The following JARID2 variants were observed in gnomAD, a reference collection of about 807,000 sequenced individuals.
The protein encoded by JARID2 is protein Jumonji.
A neutral mutation model predicts 125.6 loss-of-function variants in JARID2; 21 were observed. That is an observed-to-expected ratio of 0.17 (90% CI 0.12 to 0.24). The LOEUF is 0.24. Among genes scored for constraint, JARID2 ranks in the 10% least tolerant of loss-of-function variants. JARID2 has a pLI of 1.00. For missense variants in JARID2, 1,303 were observed against 1,639.6 expected (o/e 0.79, Z 3.55); for synonymous variants, 736 against 661.6 (o/e 1.11, Z -1.73).
At position 15,467,542 on chromosome 6, in the gene JARID2, T is replaced by A. The variant is rs572656419; in HGVS notation, c.494-1000T>A. 5.2e-4 allele frequency among the ~76,000 whole-genome samples: 78 copies of A among 151,084 alleles called. 1 individual carries two copies. The South Asian group carries it at 0.016, about 30-fold the overall frequency. The stretch of plus-strand genomic sequence containing the variant: ...TATATTGTGCTTTTTTTTTTTTTTT[T>A]AAGAATATTGAGCCTAAGGGTGGGC... On this transcript the variant is annotated intron_variant, in intron 4 of 17. Transcript: ENST00000341776.
Position 15,291,305 on chromosome 6 carries a change from TCTC to T in JARID2, c.45+44725_45+44727del, listed in dbSNP as rs1179625529. Among the ~76,000 whole-genome samples, 37 of 152,316 alleles carry T rather than the reference TCTC, an allele frequency of 2.4e-4. No individual in the cohort carries two copies. In the East Asian group the frequency reaches 3.5e-3, roughly 14 times the overall value. The stretch of plus-strand genomic sequence containing the variant: ...ACCATCTTGGTGAATGTGTTTATCA[TCTC>T]CTCTTAGTTTAAAAATGCTCCTTTA... On this transcript the variant is annotated intron_variant, in intron 1 of 17. Coordinates refer to ENST00000341776, the MANE Select transcript of JARID2 (RefSeq NM_004973.4).
intron 4 of JARID2, among the ~76,000 whole-genome samples, chr6:15,456,160 G>A (rs532163361): frequency 1.3e-5 from 2 of 152,162 alleles, no homozygotes; most frequent in South Asian, 2.1e-4. Context: ...GTACTTGTGC[G>A]TGCACTATCT....
chr6:15,464,979 G>A (rs1034007048), intron 4 of JARID2, among the ~76,000 whole-genome samples: 1 of 152,170 alleles, frequency 6.6e-6, no homozygotes, highest in Non-Finnish European at 1.5e-5. Flanking sequence ...TACTTTGAGA[G>A]CAAGTTCCTC....
chr6:15,401,376 A>G (rs986723319), intron 2 of JARID2, among the ~76,000 whole-genome samples: 26 of 152,186 alleles, frequency 1.7e-4, no homozygotes, highest in Admixed American at 3.9e-4. Context: ...GACTTTAGAC[A>G]TTTCTCTGGA....
Position 15,451,628 on chromosome 6 carries a change from G to A in JARID2, c.324-378G>A, listed in dbSNP as rs185857823. ...ATGTATATAAATACAGCAGGATAAT[G>A]TAGTGTTTTCTTCTTTACTGTCAGT... is the stretch of plus-strand genomic sequence containing the variant. On this transcript the variant is annotated intron_variant, in intron 3 of 17. Coordinates refer to ENST00000341776, the MANE Select transcript of JARID2 (RefSeq NM_004973.4). Among the ~76,000 whole-genome samples, 94 of 152,314 alleles carry A rather than the reference G, an allele frequency of 6.2e-4. 1 individual carries two copies. The highest frequency in any genetic ancestry group is 2.3e-3 in the African/African-American group (94 of 41,566).
intron 1 of JARID2, among the ~76,000 whole-genome samples, chr6:15,251,609 CAGT>C (rs1402942519): frequency 6.6e-6 from 1 of 152,184 alleles, no homozygotes; most frequent in African/African-American, 2.4e-5. Flanking sequence ...TGCCAAGTGT[CAGT>C]TGTTTGTTCC....
chr6:15,413,002 G>GTTTTT (rs745910520), intron 3 of JARID2, among the ~76,000 whole-genome samples: 1,058 of 46,478 alleles, frequency 0.023, 252 homozygotes, highest in Admixed American at 0.035. Context: ...AAGAGCTTGT[G>GTTTTT]TTTTTGTTTT....
intron 1 of JARID2, among the ~76,000 whole-genome samples, chr6:15,294,541 A>G (rs1561776038): frequency 1.3e-5 from 2 of 152,312 alleles, no homozygotes; most frequent in East Asian, 3.9e-4. Flanking sequence ...AGAGAAGCAG[A>G]GTGAAAACCT....
chr6:15,397,465 G>T lies in JARID2; in HGVS notation c.182-12759G>T, dbSNP rs73363174. 3.4e-3 allele frequency among the ~76,000 whole-genome samples: 518 copies of T among 152,228 alleles called. 4 individuals are homozygous for T. The highest frequency in any genetic ancestry group is 0.012 in the African/African-American group (502 of 41,520). ...TTTTGGGGAAATTATTAATAGCGTG[G>T]TACTGAAATACCAAGGCACCAACTG... is the stretch of plus-strand genomic sequence containing the variant. On this transcript the variant is annotated intron_variant, in intron 2 of 17. Coordinates refer to ENST00000341776, the MANE Select transcript of JARID2 (RefSeq NM_004973.4).
At chr6:15,275,006 C>G (rs1377148742) in intron 1 of JARID2, among the ~76,000 whole-genome samples, 1 of 152,196 alleles carries the variant, frequency 6.6e-6, no homozygotes, top group African/African-American at 2.4e-5. Context: ...CACTGAACTT[C>G]AAGAGCCCTT....
At chr6:15,326,857 T>C (rs1482397945) in intron 1 of JARID2, among the ~76,000 whole-genome samples, 1 of 152,258 alleles carries the variant, frequency 6.6e-6, no homozygotes, top group Non-Finnish European at 1.5e-5. Context: ...CCCATGATAA[T>C]GATAACATAA....
At chr6:15,346,083 G>A (rs965611605) in intron 1 of JARID2, among the ~76,000 whole-genome samples, 2 of 152,214 alleles carry the variant, frequency 1.3e-5, no homozygotes, top group Non-Finnish European at 2.9e-5. Flanking sequence ...GTTGTCAGAT[G>A]TAGATTGGAC....
intron 1 of JARID2, among the ~76,000 whole-genome samples, chr6:15,273,898 T>G (rs1264529633): frequency 1.3e-5 from 2 of 151,796 alleles, no homozygotes; most frequent in African/African-American, 2.4e-5. Context: ...TTCTTTTCCC[T>G]TCTGCATTTC....
intron 3 of JARID2, among the ~76,000 whole-genome samples, chr6:15,442,263 T>A (rs1307313295): frequency 2.0e-5 from 3 of 152,096 alleles, no homozygotes; most frequent in African/African-American, 7.2e-5. Context: ...TTTGTTGAAA[T>A]GATATTTTAA....
At chr6:15,506,951 A>G (rs927467250) in intron 9 of JARID2, among the ~76,000 whole-genome samples, 185 bp from the exon 10 acceptor site, 3 of 152,210 alleles carry the variant, frequency 2.0e-5, no homozygotes, top group African/African-American at 7.2e-5. Context: ...TTCTGAGGAT[A>G]TGCCTGGAGG....
intron 2 of JARID2, among the ~76,000 whole-genome samples, 183 bp downstream of exon 2, chr6:15,374,435 C>T (rs568811362): frequency 6.6e-6 from 1 of 152,238 alleles, no homozygotes; most frequent in East Asian, 1.9e-4. Flanking sequence ...TTTTGTGTTC[C>T]TTTATGTACC....
chr6:15,410,438 A>G (rs1045596276), intron 3 of JARID2, 73 bp downstream of exon 3: 112 of 1,468,578 alleles, frequency 7.6e-5, no homozygotes, highest in Non-Finnish European at 1.0e-4. Flanking sequence ...TTTTCACCAC[A>G]TGATAACGTG....
chr6:15,332,073 G>T (rs983474745), intron 1 of JARID2, among the ~76,000 whole-genome samples: 1 of 152,094 alleles, frequency 6.6e-6, no homozygotes, highest in African/African-American at 2.4e-5. Context: ...GAAAATAGTC[G>T]CAGTGCCAAG....
intron 1 of JARID2, among the ~76,000 whole-genome samples, chr6:15,340,006 C>T (rs1342825691): frequency 4.0e-5 from 6 of 151,816 alleles, no homozygotes; most frequent in Admixed American, 3.9e-4. Context: ...GCTGCCCAGG[C>T]TGCAGTGCAG....
Sources: gnomAD v4.1 joint callset for allele counts (sites outside exome capture counted in the v4.1 genomes callset) on GRCh38, gnomAD v4.1.1 for gene constraint, MANE v1.5 for transcripts, NCBI Gene and HGNC (gene_info 2026-07-23, HGNC 2026-07-21) for gene names.